The following DNAJC13 variants were observed in gnomAD, a reference collection of about 807,000 sequenced individuals.
DNAJC13 encodes the protein dnaJ homolog subfamily C member 13.
In DNAJC13, 75 loss-of-function variants were observed where a neutral mutation model predicts 290.5. The ratio of observed to expected loss-of-function variants is 0.26; its 90% CI spans 0.21 to 0.31. The LOEUF (loss-of-function observed/expected upper bound fraction) is 0.31. Ranked by LOEUF, DNAJC13 falls within the 10% of genes least tolerant of loss-of-function variation. The pLI is 1.00. For synonymous variants in DNAJC13, 862 were observed against 892.0 expected, an observed-to-expected ratio of 0.97 and a Z score of 0.60; for missense variants, 2,260 against 2,674.5, an observed-to-expected ratio of 0.85 and a Z score of 3.42.
At chr3:132,442,367 T>C (rs1003304943) in intron 2 of DNAJC13, among the ~76,000 whole-genome samples, 1 of 152,182 alleles carries the variant, frequency 6.6e-6, no homozygotes, top group Non-Finnish European at 1.5e-5. Context: ...GTAACATTTT[T>C]ATTTTCAGGA....
intron 2 of DNAJC13, among the ~76,000 whole-genome samples, chr3:132,441,877 T>C (rs942322153): frequency 6.6e-6 from 1 of 152,126 alleles, no homozygotes; most frequent in African/African-American, 2.4e-5. Context: ...AGATAACTAG[T>C]AAAATGTTGG....
At chr3:132,461,891 C>G (rs1267285167) in intron 15 of DNAJC13, among the ~76,000 whole-genome samples, 1 of 151,970 alleles carries the variant, frequency 6.6e-6, no homozygotes, top group African/African-American at 2.4e-5. Flanking sequence ...CGGGGTCTCC[C>G]TTTGTTGCCC....
intron 36 of DNAJC13, among the ~76,000 whole-genome samples, 167 bp from the exon 37 acceptor site, chr3:132,498,959 A>G (rs1014429658): frequency 3.3e-5 from 5 of 151,988 alleles, no homozygotes; most frequent in African/African-American, 7.2e-5. Flanking sequence ...CTCGTGATCC[A>G]CCCACCTTGG....
rs148075458 is a variant in DNAJC13 at position 132,436,862 on chromosome 3, A to G, written c.68+2244A>G. 3.0e-3 allele frequency among the ~76,000 whole-genome samples: 454 copies of G among 151,346 alleles called. 5 individuals are homozygous for G. Among genetic ancestry groups the G allele is most frequent in the African/African-American group, 0.01 (429 of 41,360 alleles). On this transcript the variant is annotated intron_variant, in intron 2 of 55. Transcript: ENST00000260818. Reference sequence around the variant, plus strand: ...TTGAAATCATTTATTCACTGTAACTAAAAAAATTTTTTTTATTTTACTTTT... The same window carrying G: ...TTGAAATCATTTATTCACTGTAACTGAAAAAATTTTTTTTATTTTACTTTT...
At chr3:132,485,735 G>T in intron 29 of DNAJC13, among the ~76,000 whole-genome samples, 1 of 152,148 alleles carries the variant, frequency 6.6e-6, no homozygotes, top group East Asian at 1.9e-4. Context: ...TCTTAGTTAT[G>T]TTTTCATTGA....
chr3:132,420,090 A>T (rs1193157315), intron 1 of DNAJC13, among the ~76,000 whole-genome samples: 1 of 152,230 alleles, frequency 6.6e-6, no homozygotes, highest in African/African-American at 2.4e-5. Context: ...GTGCTTACAG[A>T]GAGTAGATGT....
At chr3:132,533,057 CTTT>C (rs35854494) in intron 55 of DNAJC13, among the ~76,000 whole-genome samples, 2 of 102,898 alleles carry the variant, frequency 1.9e-5, no homozygotes, top group Admixed American at 1.1e-4. Flanking sequence ...CCACACCTGG[CTTT>C]TTTTTTTTTT....
intron 30 of DNAJC13, 118 bp from the exon 31 acceptor site, chr3:132,488,858 A>G: frequency 1.4e-6 from 1 of 704,124 alleles, no homozygotes; most frequent in Non-Finnish European, 2.4e-6. Flanking sequence ...ATATGGATTT[A>G]TGTGAGTTGC....
chr3:132,460,758 A>C (rs1933764978), intron 14 of DNAJC13, among the ~76,000 whole-genome samples: 1 of 152,316 alleles, frequency 6.6e-6, no homozygotes, highest in African/African-American at 2.4e-5. Context: ...AATATTGTCA[A>C]ATATTATTTT....
chr3:132,512,476 G>A (rs1935806273), intron 44 of DNAJC13, among the ~76,000 whole-genome samples: 1 of 152,150 alleles, frequency 6.6e-6, no homozygotes, highest in African/African-American at 2.4e-5. Context: ...CAAAACGGAA[G>A]TAAATATATG....
At chr3:132,420,899 A>G (rs1412724568) in intron 1 of DNAJC13, among the ~76,000 whole-genome samples, 3 of 152,228 alleles carry the variant, frequency 2.0e-5, no homozygotes, top group Non-Finnish European at 4.4e-5. Context: ...CTTTTAACCA[A>G]AAATTATGAG....
At chr3:132,434,444 T>A in intron 1 of DNAJC13, 94 bp from the exon 2 acceptor site, 1 of 828,182 alleles carries the variant, frequency 1.2e-6, no homozygotes, top group South Asian at 1.7e-5. Context: ...GCTGTGAAAG[T>A]GAGAGAGCGA....
chr3:132,529,786 CAAA>C (rs11402210), intron 54 of DNAJC13, among the ~76,000 whole-genome samples: 6 of 92,812 alleles, frequency 6.5e-5, no homozygotes, highest in Admixed American at 2.1e-4. Flanking sequence ...GACTCTGTCT[CAAA>C]AAAAAAAAAA....
At chr3:132,424,795 T>C (rs1056564080) in intron 1 of DNAJC13, among the ~76,000 whole-genome samples, 1 of 152,132 alleles carries the variant, frequency 6.6e-6, no homozygotes, top group Non-Finnish European at 1.5e-5. Flanking sequence ...TACTAAAATC[T>C]TTGTGATGTA....
In DNAJC13 at chr3:132,479,253, G is replaced by A. The variant is rs61748099; in HGVS notation, c.2736G>A (p.Arg912=). The change falls in exon 25 of 56, where the codon AGG becomes AGA. Residue 912 remains arginine (R), a synonymous_variant. Transcript: ENST00000260818. ...ERCTDKLERD[R]LILFLNKLIL... ...GCACAGATAAACTTGAACGAGATAG[G>A]TTGATTCTCTTCCTTAACAAGTTGA... The A allele has an allele frequency of 3.7e-3, 5,939 of 1,608,368 alleles. 19 individuals carry two copies. The highest frequency in any genetic ancestry group is 4.7e-3 in the Non-Finnish European group (5,488 of 1,175,514).
rs71622093 is a variant in DNAJC13, at chr3:132,454,314, A to ATTTTT, written c.932+178_932+182dup. On this transcript the variant is annotated intron_variant, in intron 9 of 55. Coordinates refer to ENST00000260818, the MANE Select transcript of DNAJC13 (RefSeq NM_015268.4). Reference sequence around the variant, plus strand: ...ATTTAAAATGACCCTCCCATTTTCAATTTTTTTTTTTTTTTTTTTTTTTTT... The same window carrying ATTTTT: ...ATTTAAAATGACCCTCCCATTTTCAATTTTTTTTTTTTTTTTTTTTTTTTTTTTTT... Among the ~76,000 whole-genome samples the ATTTTT allele has an allele frequency of 1.1e-3, 94 of 86,136 alleles. 3 individuals carry two copies. The highest frequency in any genetic ancestry group is 3.4e-3 in the African/African-American group (70 of 20,862). 56.5% of individuals were successfully genotyped at this position (86,136 alleles called of 152,430 possible).
chr3:132,485,440 A>G (rs778240281), intron 29 of DNAJC13, among the ~76,000 whole-genome samples: 3 of 152,204 alleles, frequency 2.0e-5, no homozygotes, highest in East Asian at 3.9e-4. Context: ...GCACCCAGCT[A>G]TTTCACTTAC....
At chr3:132,495,250 T>C in intron 35 of DNAJC13, 84 bp downstream of exon 35, 1 of 997,912 alleles carries the variant, frequency 1.0e-6, no homozygotes, top group Non-Finnish European at 1.6e-6. Flanking sequence ...TTACCTTCTG[T>C]GCCAGTATCT....
chr3:132,473,241 C>G lies in DNAJC13; in HGVS notation c.2291+14C>G, dbSNP rs964823516. 1 of 1,531,930 alleles carries G rather than the reference C, an allele frequency of 6.5e-7. No homozygotes were observed. Among genetic ancestry groups the G allele is most frequent in the Admixed American group, 1.8e-5 (1 of 54,134 alleles). 94.9% of individuals were successfully genotyped at this position (1,531,930 alleles called of 1,614,324 possible). A position where few individuals can be genotyped will look rare whatever the true frequency, so the allele number is the denominator to read the frequency against. ...CTTCTATTATAGGTAAACTTTAGGT[C>G]TCTTTTCCAATAAAGATTAAATTTA... On this transcript the variant is annotated intron_variant, in intron 21 of 55. Coordinates refer to ENST00000260818, the MANE Select transcript of DNAJC13 (RefSeq NM_015268.4).
Sources: allele counts gnomAD v4.1 joint callset (sites outside exome capture counted in the v4.1 genomes callset), GRCh38; gene constraint gnomAD v4.1.1; transcripts MANE v1.5; gene names NCBI Gene and HGNC (gene_info 2026-07-23, HGNC 2026-07-21).